SP3: variants seen among roughly 807,000 people sequenced by gnomAD.
The protein encoded by SP3 is Sp3 transcription factor, also known as transcription factor Sp3.
In SP3, 10 loss-of-function variants were observed where a neutral mutation model predicts 70.3. The ratio of observed to expected loss-of-function variants is 0.14; its 90% CI spans 0.09 to 0.24. The LOEUF is 0.24. Among genes scored for constraint, SP3 ranks in the 10% least tolerant of loss-of-function variants. SP3 has a pLI of 1.00. For synonymous variants in SP3, 402 were observed against 333.5 expected (o/e 1.21, Z -2.24); for missense variants, 825 against 914.6 (o/e 0.90, Z 1.26).
chr2:173,920,210 C>T (rs1275573517), intron 4 of SP3, among the ~76,000 whole-genome samples: 2 of 151,658 alleles, frequency 1.3e-5, no homozygotes, highest in Admixed American at 6.6e-5. Flanking sequence ...CCATATGACA[C>T]GTTGGAAAAG....
At chr2:173,946,327 T>A (rs966701912) in intron 4 of SP3, among the ~76,000 whole-genome samples, 7 of 151,776 alleles carry the variant, frequency 4.6e-5, no homozygotes, top group Admixed American at 3.9e-4. Flanking sequence ...TTTTTTTTTT[T>A]AAAGAGATGG....
rs2105445618 is a variant in SP3, at chr2:173,902,717, G to A, written c.*7224C>T. ...AACAAGTCCCAGAAGGTTTTGTACAGAATGATACCATTTATATGAAGTTTC... is the reference window on the plus strand; with the variant it reads ...AACAAGTCCCAGAAGGTTTTGTACAAAATGATACCATTTATATGAAGTTTC... On this transcript the variant is annotated 3_prime_UTR_variant, in exon 7 of 7. Coordinates refer to ENST00000310015, the MANE Select transcript of SP3 (RefSeq NM_003111.5). 6.6e-6 allele frequency among the ~76,000 whole-genome samples: 1 copy of A among 152,256 alleles called. No individual in the cohort carries two copies. Among genetic ancestry groups the A allele is most frequent in the South Asian group, 2.1e-4 (1 of 4,826 alleles).
intron 6 of SP3, among the ~76,000 whole-genome samples, chr2:173,912,414 A>G (rs911624087): frequency 2.6e-5 from 4 of 152,326 alleles, no homozygotes; most frequent in Admixed American, 6.5e-5. Flanking sequence ...TTGTAAATAC[A>G]TAGTTTTCAA....
At chr2:173,940,485 G>A (rs145326739) in intron 4 of SP3, among the ~76,000 whole-genome samples, 7 of 152,220 alleles carry the variant, frequency 4.6e-5, no homozygotes, top group South Asian at 4.1e-4. Context: ...CTTGGCACCC[G>A]GGGGTGCAAG....
At chr2:173,921,077 T>C (rs1574401548) in intron 4 of SP3, among the ~76,000 whole-genome samples, 1 of 152,306 alleles carries the variant, frequency 6.6e-6, no homozygotes, top group Non-Finnish European at 1.5e-5. Flanking sequence ...CATCAAGTTA[T>C]ATACATTTGA....
chr2:173,909,794 T>A lies in SP3; in HGVS notation c.*147A>T. On this transcript the variant is annotated 3_prime_UTR_variant, in exon 7 of 7. Transcript: ENST00000310015. ...ATATACTATGGAATATCATACAAAG[T>A]AAGGCATTTCAGTGTCATGTATAAC... 1.6e-6 allele frequency: 1 copy of A among 611,662 alleles called. No homozygotes were observed. Among genetic ancestry groups the A allele is most frequent in the East Asian group, 2.9e-5 (1 of 34,658 alleles). 37.9% of individuals were successfully genotyped at this position (611,662 alleles called of 1,614,324 possible).
chr2:173,908,536 GAAAA>G lies in SP3; in HGVS notation c.*1401_*1404del, dbSNP rs888288509. 6.7e-6 allele frequency: 1 copy of G among 149,490 alleles called. No homozygotes were observed. The highest frequency in any genetic ancestry group is 2.5e-5 in the African/African-American group (1 of 40,712). The allele number at this position is 149,490 out of a possible 1,614,324, so 9.3% of individuals were successfully genotyped here. On this transcript the variant is annotated 3_prime_UTR_variant, in exon 7 of 7. Coordinates refer to ENST00000310015, the MANE Select transcript of SP3 (RefSeq NM_003111.5). ...GCATAGGAATACAACAAACTCAAAA[GAAAA>G]AAAAATAGTGTTTTATTAACTACCA...
At chr2:173,952,666 C>G (rs1237414699) in intron 4 of SP3, among the ~76,000 whole-genome samples, 2 of 151,644 alleles carry the variant, frequency 1.3e-5, no homozygotes, top group African/African-American at 4.8e-5. Context: ...AAATGTCCAC[C>G]AGTAGATAAA....
At chr2:173,948,215 C>A (rs1208787785) in intron 4 of SP3, among the ~76,000 whole-genome samples, 1 of 152,174 alleles carries the variant, frequency 6.6e-6, no homozygotes, top group African/African-American at 2.4e-5. Context: ...AGTCCTTATA[C>A]CCTTATCCAA....
At chr2:173,929,831 A>G (rs1198407384) in intron 4 of SP3, among the ~76,000 whole-genome samples, 2 of 152,194 alleles carry the variant, frequency 1.3e-5, no homozygotes. Context: ...GGCAGAGAGC[A>G]AGATCATTAT....
chr2:173,957,125 A>C (rs185968195), intron 3 of SP3, among the ~76,000 whole-genome samples: 40 of 152,332 alleles, frequency 2.6e-4, no homozygotes, highest in Admixed American at 2.2e-3. Context: ...TTTCTTAAAG[A>C]AACTCACTAC....
intron 4 of SP3, among the ~76,000 whole-genome samples, chr2:173,920,814 C>T (rs562003909): frequency 1.2e-3 from 176 of 152,172 alleles, no homozygotes; most frequent in Non-Finnish European, 2.0e-3. Context: ...TGGTCTCGAA[C>T]TCCTGACCTC....
chr2:173,947,568 A>G (rs1219315239), intron 4 of SP3, among the ~76,000 whole-genome samples: 2 of 152,096 alleles, frequency 1.3e-5, no homozygotes, highest in Non-Finnish European at 2.9e-5. Flanking sequence ...TTCCGTATTT[A>G]TTGTTTTTGT....
intron 5 of SP3, chr2:173,916,892 AC>A (rs1369817476): frequency 6.6e-6 from 1 of 152,158 alleles, no homozygotes; most frequent in Non-Finnish European, 1.5e-5. Context: ...ACAACAGAAT[AC>A]TATACAGCCA....
At chr2:173,929,623 C>G (rs1690013175) in intron 4 of SP3, among the ~76,000 whole-genome samples, 1 of 152,190 alleles carries the variant, frequency 6.6e-6, no homozygotes, top group Non-Finnish European at 1.5e-5. Context: ...GCTCTCTGTC[C>G]TGGAAGGTGG....
intron 6 of SP3, among the ~76,000 whole-genome samples, chr2:173,912,089 G>C (rs1258893985): frequency 6.6e-6 from 1 of 152,168 alleles, no homozygotes. Flanking sequence ...AAAGTGCCGG[G>C]ATTACAGGCA....
intron 3 of SP3, among the ~76,000 whole-genome samples, chr2:173,961,935 G>GTTTTTTGTTTTT (rs1691094554): frequency 2.5e-5 from 2 of 80,972 alleles, no homozygotes; most frequent in Non-Finnish European, 4.8e-5. Flanking sequence ...TATGGTTTGG[G>GTTTTTTGTTTTT]TTTTTTTTTT....
At position 173,901,693 on chromosome 2, in the gene SP3, GC is replaced by G. The variant is rs1689192734; in HGVS notation, c.*8247del. Among the ~76,000 whole-genome samples, 2 of 126,960 alleles carry G rather than the reference GC, an allele frequency of 1.6e-5. No individual in the cohort carries two copies. Among genetic ancestry groups the G allele is most frequent in the South Asian group, 5.1e-4 (2 of 3,902 alleles). 83.3% of individuals were successfully genotyped at this position (126,960 alleles called of 152,430 possible). A position where few individuals can be genotyped will look rare whatever the true frequency, so the allele number is the denominator to read the frequency against. ...CAGGGAAACAGTTAGTTGGACTTAA[GC>G]CTTTTTTTTTTTTTTTTTTTTTTTT... On this transcript the variant is annotated 3_prime_UTR_variant, in exon 7 of 7. Transcript: ENST00000310015.
Position 173,907,667 on chromosome 2 carries a change from T to C in SP3, c.*2274A>G, listed in dbSNP as rs774797474. 27 of 152,094 alleles carry C rather than the reference T, an allele frequency of 1.8e-4. No homozygotes were observed. Among genetic ancestry groups the C allele is most frequent in the Non-Finnish European group, 1.5e-5 (1 of 67,964 alleles). 9.4% of individuals were successfully genotyped at this position (152,094 alleles called of 1,614,324 possible). A position where few individuals can be genotyped will look rare whatever the true frequency, so the allele number is the denominator to read the frequency against. ...AACATCTCTACTATCATTCAAATGG[T>C]TTAATCTGACTTAATGGGCAGTTTG... On this transcript the variant is annotated 3_prime_UTR_variant, in exon 7 of 7. Coordinates refer to ENST00000310015, the MANE Select transcript of SP3 (RefSeq NM_003111.5).
Sources: gnomAD v4.1 joint callset for allele counts (sites outside exome capture counted in the v4.1 genomes callset) on GRCh38, gnomAD v4.1.1 for gene constraint, MANE v1.5 for transcripts, NCBI Gene and HGNC (gene_info 2026-07-23, HGNC 2026-07-21) for gene names.